The following MAGI2 variants were observed in gnomAD, a reference collection of about 807,000 sequenced individuals.
MAGI2 encodes membrane-associated guanylate kinase, WW and PDZ domain-containing protein 2.
In MAGI2, 35 loss-of-function variants were observed where a neutral mutation model predicts 133.3. The observed-to-expected ratio is 0.26, with a 90% CI of 0.20 to 0.35. MAGI2 has a LOEUF of 0.35. Ranked by LOEUF, MAGI2 falls within the 10% of genes least tolerant of loss-of-function variation. The probability of loss-of-function intolerance (pLI) is 1.00; values close to 1 mark genes in which losing one functional copy is unlikely to be tolerated. For missense variants in MAGI2, 1,636 were observed against 1,863.4 expected (o/e 0.88, Z 2.25); for synonymous variants, 729 against 710.6 (o/e 1.03, Z -0.41).
intron 1 of MAGI2, among the ~76,000 whole-genome samples, chr7:79,111,360 A>G (rs1280110394): frequency 6.6e-6 from 1 of 152,184 alleles, no homozygotes; most frequent in East Asian, 1.9e-4. Flanking sequence ...TTTCACTTTC[A>G]TAGAGATATT....
chr7:78,984,162 A>G (rs780090143), intron 2 of MAGI2, among the ~76,000 whole-genome samples: 3 of 151,868 alleles, frequency 2.0e-5, no homozygotes, highest in Non-Finnish European at 2.9e-5. Flanking sequence ...GTCTTTCACA[A>G]TTTATCCAAA....
At chr7:78,871,826 A>T (rs541965565) in intron 2 of MAGI2, among the ~76,000 whole-genome samples, 3 of 144,492 alleles carry the variant, frequency 2.1e-5, no homozygotes, top group South Asian at 2.1e-4. Context: ...CTTTCCATTT[A>T]AAAAAAACTG....
chr7:79,327,799 T>C (rs1020347008), intron 1 of MAGI2, among the ~76,000 whole-genome samples: 7 of 152,280 alleles, frequency 4.6e-5, no homozygotes, highest in African/African-American at 1.7e-4. Flanking sequence ...TAATAATTTA[T>C]AATGCAGAAA....
chr7:78,851,345 C>A (rs1173754581), intron 2 of MAGI2, among the ~76,000 whole-genome samples: 1 of 152,038 alleles, frequency 6.6e-6, no homozygotes, highest in Non-Finnish European at 1.5e-5. Flanking sequence ...ACAGCACATG[C>A]CCCTCCTGGA....
At chr7:79,153,516 T>C (rs1823472586) in intron 1 of MAGI2, among the ~76,000 whole-genome samples, 1 of 152,162 alleles carries the variant, frequency 6.6e-6, no homozygotes, top group Non-Finnish European at 1.5e-5. Context: ...AGGAAAGGCC[T>C]CTGTGCAATC....
intron 2 of MAGI2, among the ~76,000 whole-genome samples, chr7:78,635,703 T>C (rs543996344): frequency 4.6e-4 from 70 of 152,236 alleles, no homozygotes; most frequent in Non-Finnish European, 9.0e-4. Flanking sequence ...TCCTCTGTAT[T>C]TGACCTTTGA....
At chr7:79,213,486 C>T (rs1829693137) in intron 1 of MAGI2, among the ~76,000 whole-genome samples, 3 of 152,028 alleles carry the variant, frequency 2.0e-5, no homozygotes, top group Admixed American at 1.3e-4. Flanking sequence ...CCTGGTTTTG[C>T]TACTTCCTTT....
intron 3 of MAGI2, among the ~76,000 whole-genome samples, chr7:78,624,880 T>C (rs894288179): frequency 6.6e-6 from 1 of 152,198 alleles, no homozygotes; most frequent in Admixed American, 6.6e-5. Context: ...TGTATTTTAC[T>C]TTTTATTGTT....
chr7:78,678,212 A>T (rs888405857), intron 2 of MAGI2, among the ~76,000 whole-genome samples: 14 of 152,158 alleles, frequency 9.2e-5, no homozygotes, highest in African/African-American at 3.1e-4. Flanking sequence ...TTTATCTTTT[A>T]AAATGTTTAT....
chr7:78,736,321 G>A (rs1343528067), intron 2 of MAGI2, among the ~76,000 whole-genome samples: 5 of 152,058 alleles, frequency 3.3e-5, no homozygotes, highest in Admixed American at 1.3e-4. Flanking sequence ...TATTCTAAAC[G>A]TAAGAATAAC....
intron 1 of MAGI2, among the ~76,000 whole-genome samples, chr7:79,427,587 AG>A (rs1047543848): frequency 1.3e-5 from 2 of 152,116 alleles, no homozygotes; most frequent in Non-Finnish European, 2.9e-5. Context: ...TTCTTGGTTG[AG>A]GAAGGGAGAG....
At chr7:78,889,503 A>T (rs1333207602) in intron 2 of MAGI2, among the ~76,000 whole-genome samples, 4 of 152,222 alleles carry the variant, frequency 2.6e-5, no homozygotes, top group Non-Finnish European at 5.9e-5. Context: ...CCACAAATGG[A>T]AGCCCATCAG....
chr7:78,413,514 G>A (rs1798038326), intron 6 of MAGI2, among the ~76,000 whole-genome samples: 1 of 152,030 alleles, frequency 6.6e-6, no homozygotes, highest in Non-Finnish European at 1.5e-5. Context: ...GATCCCATTA[G>A]TGGAAATGCC....
chr7:78,658,737 G>A (rs1302744158), intron 2 of MAGI2, among the ~76,000 whole-genome samples: 1 of 152,108 alleles, frequency 6.6e-6, no homozygotes, highest in Non-Finnish European at 1.5e-5. Context: ...AGCCATTACA[G>A]CATTACAAAT....
intron 3 of MAGI2, chr7:78,615,767 T>C (rs1328393055): frequency 1.3e-5 from 2 of 152,242 alleles, no homozygotes; most frequent in Admixed American, 1.3e-4. Flanking sequence ...GTATATCGTT[T>C]AAAACTTTTT....
chr7:79,289,350 G>A (rs955210392), intron 1 of MAGI2, among the ~76,000 whole-genome samples: 12 of 152,214 alleles, frequency 7.9e-5, no homozygotes, highest in African/African-American at 2.9e-4. Context: ...ATCTCTAATA[G>A]CTTACAGAAG....
chr7:78,032,000 G>A (rs942886034), intron 21 of MAGI2, among the ~76,000 whole-genome samples: 10 of 122,718 alleles, frequency 8.1e-5, no homozygotes, highest in African/African-American at 3.0e-4. Context: ...AGGGGACAAA[G>A]CCCCCCCACT....
chr7:79,398,890 A>T (rs1845248973), intron 1 of MAGI2, among the ~76,000 whole-genome samples: 1 of 152,122 alleles, frequency 6.6e-6, no homozygotes, highest in South Asian at 2.1e-4. Flanking sequence ...AAAACACTTT[A>T]TGAATATAGC....
chr7:78,928,173 TC>T (rs1799855796), intron 2 of MAGI2, among the ~76,000 whole-genome samples: 4 of 151,950 alleles, frequency 2.6e-5, no homozygotes, highest in Admixed American at 2.6e-4. Context: ...AATAGTTCCT[TC>T]CACAGGAATT....
Sources: allele counts gnomAD v4.1 joint callset (sites outside exome capture counted in the v4.1 genomes callset), GRCh38; gene constraint gnomAD v4.1.1; transcripts MANE v1.5; gene names NCBI Gene and HGNC (gene_info 2026-07-23, HGNC 2026-07-21).